Variants in ADAMTS18 observed in about 807,000 individuals in gnomAD.
The protein encoded by ADAMTS18 is A disintegrin and metalloproteinase with thrombospondin motifs 18.
In ADAMTS18, 157 loss-of-function variants were observed where a neutral mutation model predicts 165.9. The ratio of observed to expected loss-of-function variants is 0.95; its 90% CI spans 0.83 to 1.08. The LOEUF is 1.08. Ranked by LOEUF, ADAMTS18 falls within the 50% of genes least tolerant of loss-of-function variation. The pLI is 0.00. For synonymous variants in ADAMTS18, 782 were observed against 578.2 expected, an observed-to-expected ratio of 1.35 and a Z score of -5.06; for missense variants, 2,040 against 1,534.0, an observed-to-expected ratio of 1.33 and a Z score of -5.51.
At chr16:77,301,701 G>A (rs2055585762) in intron 16 of ADAMTS18, among the ~76,000 whole-genome samples, 1 of 152,144 alleles carries the variant, frequency 6.6e-6, no homozygotes, top group Non-Finnish European at 1.5e-5. Flanking sequence ...TCTTTAGGAT[G>A]GTACAAAATG....
At chr16:77,314,649 G>GTGTGTGTGTGTATATA (rs10527824) in intron 16 of ADAMTS18, among the ~76,000 whole-genome samples, 7 of 126,476 alleles carry the variant, frequency 5.5e-5, no homozygotes, top group African/African-American at 2.2e-4. Context: ...GTGTGTGTGT[G>GTGTGTGTGTGTATATA]TATATATATA....
intron 16 of ADAMTS18, among the ~76,000 whole-genome samples, chr16:77,307,385 T>C (rs2055700592): frequency 6.6e-6 from 1 of 152,176 alleles, no homozygotes; most frequent in Non-Finnish European, 1.5e-5. Flanking sequence ...TGTGAGTGAT[T>C]GAATTTGACA....
At chr16:77,304,015 G>A (rs2055637589) in intron 16 of ADAMTS18, among the ~76,000 whole-genome samples, 1 of 152,142 alleles carries the variant, frequency 6.6e-6, no homozygotes, top group Admixed American at 6.5e-5. Flanking sequence ...GGGCGACAGA[G>A]CAACACTCCA....
intron 10 of ADAMTS18, among the ~76,000 whole-genome samples, chr16:77,348,524 T>C (rs146749632): frequency 5.3e-5 from 8 of 152,276 alleles, no homozygotes; most frequent in African/African-American, 1.4e-4. Flanking sequence ...TGCTCAGATA[T>C]AGTCTTAAAC....
intron 19 of ADAMTS18, 70 bp downstream of exon 19, chr16:77,294,853 G>T: frequency 6.8e-7 from 1 of 1,461,668 alleles, no homozygotes; most frequent in African/African-American, 1.4e-5. Flanking sequence ...GCCCAGTGGA[G>T]AGCAAAGACA....
intron 3 of ADAMTS18, among the ~76,000 whole-genome samples, chr16:77,429,551 G>A (rs181186084): frequency 7.9e-5 from 12 of 152,144 alleles, no homozygotes; most frequent in South Asian, 4.2e-4. Flanking sequence ...GTTCACCCAC[G>A]TGACAAACCT....
chr16:77,396,801 C>CTT (rs59065639), intron 3 of ADAMTS18, among the ~76,000 whole-genome samples: 18,187 of 142,606 alleles, frequency 0.13, 1,285 homozygotes, highest in East Asian at 0.22. Flanking sequence ...TCTTCATTGC[C>CTT]TTTTTTTTTT....
intron 10 of ADAMTS18, among the ~76,000 whole-genome samples, chr16:77,351,720 C>A (rs1348406107): frequency 3.3e-5 from 5 of 152,044 alleles, no homozygotes; most frequent in Non-Finnish European, 5.9e-5. Flanking sequence ...GAAAATAGAA[C>A]AGTCTGTTAA....
intron 3 of ADAMTS18, among the ~76,000 whole-genome samples, chr16:77,371,399 G>GC (rs1378519705): frequency 6.6e-6 from 1 of 151,996 alleles, no homozygotes; most frequent in East Asian, 1.9e-4. Context: ...GAAAGCTACA[G>GC]TAACCAAAAA....
At chr16:77,334,086 T>TATATATGCTATATATAATATACAGTGC (rs2056239828) in intron 12 of ADAMTS18, among the ~76,000 whole-genome samples, 2 of 36,304 alleles carry the variant, frequency 5.5e-5, no homozygotes, top group African/African-American at 1.8e-4. Flanking sequence ...ATATACAGTG[T>TATATATGCTATATATAATATACAGTGC]TATATATTAT....
chr16:77,290,892 A>C, intron 21 of ADAMTS18: 1 of 345,804 alleles, frequency 2.9e-6, no homozygotes, highest in South Asian at 2.7e-5. Flanking sequence ...AACATGATGT[A>C]AGAACCAAAT....
intron 9 of ADAMTS18, 68 bp downstream of exon 9, chr16:77,355,872 A>C (rs1485530484): frequency 6.3e-7 from 1 of 1,585,156 alleles, no homozygotes; most frequent in East Asian, 2.2e-5. Context: ...ATTCGTTTGC[A>C]GGTCTATGGA....
chr16:77,326,884 C>G (rs1160326951), intron 12 of ADAMTS18, among the ~76,000 whole-genome samples: 2 of 152,182 alleles, frequency 1.3e-5, no homozygotes, highest in Non-Finnish European at 2.9e-5. Context: ...ACCCTCCACT[C>G]TCAATCTTTG....
In ADAMTS18 at chr16:77,291,365, T is replaced by C; in HGVS notation, c.3303A>G (p.Lys1101=). The stretch of plus-strand genomic sequence containing the variant: ...AGGTCTCTTCCAAGTCCAGATTTGG[T>C]TTCTTAATATTACGGCATCTTCGCT... ...FPERRCRNIK[K]PNLDLEETCN... Residue 1101 remains lysine, a synonymous_variant, in exon 21 of 23, where the codon AAA becomes AAG. Coordinates refer to ENST00000282849, the MANE Select transcript of ADAMTS18 (RefSeq NM_199355.4). The C allele has an allele frequency of 6.2e-7, 1 of 1,614,046 alleles. No individual in the cohort carries two copies. Among genetic ancestry groups the C allele is most frequent in the Non-Finnish European group, 8.5e-7 (1 of 1,179,976 alleles).
rs912963803 is a variant in ADAMTS18, at chr16:77,434,952, C to T, written c.-257G>A. On this transcript the variant is annotated 5_prime_UTR_variant, in exon 1 of 23. Transcript: ENST00000282849. The stretch of plus-strand genomic sequence containing the variant: ...CAGAGGGTACGGGGGGCTCCCTGGG[C>T]CGGGACTGGAGCGCAAACGGTTGGG... 5 of 343,628 alleles carry T rather than the reference C, an allele frequency of 1.5e-5. No homozygotes were observed. The highest frequency in any genetic ancestry group is 2.6e-5 in the Non-Finnish European group (5 of 192,350). The allele number at this position is 343,628 out of a possible 1,614,324, so 21.3% of individuals were successfully genotyped here.
chr16:77,394,957 C>G (rs2057237684), intron 3 of ADAMTS18, among the ~76,000 whole-genome samples: 1 of 152,134 alleles, frequency 6.6e-6, no homozygotes. Flanking sequence ...TTCCTTCCAC[C>G]ATTTCTATCT....
chr16:77,385,003 A>G (rs2057086596), intron 3 of ADAMTS18, among the ~76,000 whole-genome samples: 1 of 151,206 alleles, frequency 6.6e-6, no homozygotes, highest in Non-Finnish European at 1.5e-5. Flanking sequence ...TCCGCTTCCC[A>G]GGTTCAAGCA....
At chr16:77,422,813 C>T (rs891619826) in intron 3 of ADAMTS18, among the ~76,000 whole-genome samples, 18 of 152,286 alleles carry the variant, frequency 1.2e-4, no homozygotes, top group African/African-American at 4.1e-4. Flanking sequence ...TTTTGATTCA[C>T]ACTAGCCACC....
chr16:77,434,307 G>A lies in ADAMTS18; in HGVS notation c.178+111C>T, dbSNP rs552636773. ...AAACAGGAACCATTTCCAAGACAGC[G>A]CACACCTGCCAGGTTAGGGGGTGCG... On this transcript the variant is annotated intron_variant, in intron 2 of 22. Transcript: ENST00000282849. The A allele has an allele frequency of 9.5e-6, 12 of 1,262,656 alleles. No individual in the cohort carries two copies. The East Asian group carries it at 2.5e-4, about 27-fold the overall frequency. The allele number at this position is 1,262,656 out of a possible 1,614,324, so 78.2% of individuals were successfully genotyped here.
Sources: gnomAD v4.1 joint callset for allele counts (sites outside exome capture counted in the v4.1 genomes callset) on GRCh38, gnomAD v4.1.1 for gene constraint, MANE v1.5 for transcripts, NCBI Gene and HGNC (gene_info 2026-07-23, HGNC 2026-07-21) for gene names.